The following SRCAP variants were observed in gnomAD, a reference collection of about 807,000 sequenced individuals.
SRCAP encodes Snf2 related CREBBP activator protein.
In SRCAP, 46 loss-of-function variants were observed where a neutral mutation model predicts 263.1. The observed-to-expected ratio is 0.17, with a 90% confidence interval of 0.14 to 0.22. The LOEUF (loss-of-function observed/expected upper bound fraction) is 0.22, where lower values mean the gene tolerates loss of function less well. Among genes scored for constraint, SRCAP ranks in the 10% least tolerant of loss-of-function variants. The pLI, the probability that SRCAP is intolerant of heterozygous loss-of-function variation, is 1.00. For synonymous variants in SRCAP, 1,813 were observed against 1,662.1 expected, an observed-to-expected ratio of 1.09 and a Z score of -2.21; for missense variants, 3,695 against 4,181.9, an observed-to-expected ratio of 0.88 and a Z score of 3.21.
At position 30,738,166 on chromosome 16, in the gene SRCAP, C is replaced by A. The variant is rs559812256; in HGVS notation, c.8126C>A (p.Ser2709Tyr). Residue 2709 changes from serine (S) to tyrosine (Y), a missense_variant, in exon 34 of 34, where the codon TCC becomes TAC. Physicochemically the swap from Ser to Tyr is moderately radical, Grantham distance 144. Transcript: ENST00000262518. The stretch of plus-strand genomic sequence containing the variant: ...CCATCCACCTCATCTTCAGCCACTT[C>A]CTCGCCTGAGGGTCCTTCACCTGCC... Reference protein sequence around the residue: ...AAPSTSSSATSSPEGPSPARP... With the variant: ...AAPSTSSSATYSPEGPSPARP... 6.2e-7 allele frequency: 1 copy of A among 1,614,222 alleles called. No homozygotes were observed.
intron 27 of SRCAP, among the ~76,000 whole-genome samples, chr16:30,731,899 C>CT (rs2053117643): frequency 6.6e-6 from 1 of 151,514 alleles, no homozygotes; most frequent in African/African-American, 2.4e-5. Context: ...AATCCCAGCA[C>CT]TTTGAGAGGC....
In SRCAP at chr16:30,712,782, T is replaced by C. The variant is rs761063976; in HGVS notation, c.2097T>C (p.Tyr699=). The C allele has an allele frequency of 1.2e-6, 2 of 1,614,210 alleles. No individual in the cohort carries two copies. The highest frequency in any genetic ancestry group is 2.2e-5 in the South Asian group (2 of 91,086). The stretch of plus-strand genomic sequence containing the variant: ...CCAGCTTTAAAATCCTCACTTACTA[T>C]GGAGCCCAGAAAGAGAGGAAGCTCA... ...WCPSFKILTY[Y]GAQKERKLKR... is the part of the protein sequence containing the mutation. Residue 699 remains tyrosine (Y), a synonymous_variant, in exon 14 of 34, where the codon TAT becomes TAC. Transcript: ENST00000262518.
At chr16:30,710,278 T>C (rs748152169) in intron 8 of SRCAP, 150 bp downstream of exon 8, 7 of 869,100 alleles carry the variant, frequency 8.1e-6, no homozygotes, top group Non-Finnish European at 1.2e-5. Flanking sequence ...TGGGGAAGAA[T>C]CTGTTTGGGG....
chr16:30,739,528 T>G lies in SRCAP; in HGVS notation c.9488T>G (p.Leu3163Arg). 1 of 1,611,850 alleles carries G rather than the reference T, an allele frequency of 6.2e-7. No homozygotes were observed. The highest frequency in any genetic ancestry group is 8.5e-7 in the Non-Finnish European group (1 of 1,179,092). The change falls in exon 34 of 34, where the codon CTG becomes CGG. Residue 3163 changes from leucine to arginine, a missense_variant. Physicochemically the swap from Leu to Arg is moderately radical, Grantham distance 102. This residue lies in a region of SRCAP where 1,207 missense variants were observed against 1,142.9 expected (regional missense o/e 1.06). Transcript: ENST00000262518. ...GGCCGCCTACAGCCCCCAAGTCCCC[T>G]GGGGCCTGAGGGTTCAGTAGAGGAG... ...KRGRLQPPSPLGPEGSVEESE... is the reference protein window; with the variant it reads ...KRGRLQPPSPRGPEGSVEESE...
chr16:30,730,150 T>C (rs1596661400), intron 27 of SRCAP, among the ~76,000 whole-genome samples: 1 of 152,206 alleles, frequency 6.6e-6, no homozygotes, highest in East Asian at 1.9e-4. Context: ...TACATTTTGC[T>C]AATCATTTGG....
At chr16:30,715,348 G>A (rs1009701726) in intron 16 of SRCAP, among the ~76,000 whole-genome samples, 1 of 151,232 alleles carries the variant, frequency 6.6e-6, no homozygotes, top group Non-Finnish European at 1.5e-5. Flanking sequence ...GGCGGATCAC[G>A]AGGTCAGGAC....
chr16:30,717,524 G>C (rs2052963279), intron 18 of SRCAP, among the ~76,000 whole-genome samples: 1 of 150,184 alleles, frequency 6.7e-6, no homozygotes, highest in Non-Finnish European at 1.5e-5. Flanking sequence ...ATAGCTTACT[G>C]CAGCCTTGAA....
rs541797069 is a variant in SRCAP at position 30,724,711 on chromosome 16, G to T, written c.5287G>T (p.Ala1763Ser). 2.7e-5 allele frequency: 44 copies of T among 1,614,086 alleles called. No individual in the cohort carries two copies. The South Asian group carries it at 4.1e-4, about 15-fold the overall frequency. ...GGCTCCAGCTTCTCCAGTGGGCCCAGCCCCAGCTCACACGCTGACTTTGGC... is the reference window on the plus strand; with the variant it reads ...GGCTCCAGCTTCTCCAGTGGGCCCATCCCCAGCTCACACGCTGACTTTGGC... ...PLAPASPVGPAPAHTLTLAPA... is the reference protein window; with the variant it reads ...PLAPASPVGPSPAHTLTLAPA... The change falls in exon 25 of 34, where the codon GCC (alanine) becomes TCC (serine). Residue 1763 changes from alanine to serine, a missense_variant. Physicochemically the swap from Ala to Ser is moderately conservative, Grantham distance 99. Coordinates refer to ENST00000262518, the MANE Select transcript of SRCAP (RefSeq NM_006662.3).
At chr16:30,711,530 C>T in intron 10 of SRCAP, 41 bp from the exon 11 acceptor site, 3 of 1,540,556 alleles carry the variant, frequency 1.9e-6, no homozygotes, top group Non-Finnish European at 2.6e-6. Flanking sequence ...CCCCTTCTCC[C>T]TCCCCTCAGA....
chr16:30,720,972 C>T lies in SRCAP; in HGVS notation c.3247C>T (p.Pro1083Ser), dbSNP rs776570251. Residue 1083 changes from proline (P) to serine (S), a missense_variant, in exon 20 of 34, where the codon CCC (proline) becomes TCC (serine). Physicochemically the swap from Pro to Ser is moderately conservative, Grantham distance 74. This residue lies in a region of SRCAP where 1,347 missense variants were observed against 1,304.4 expected (regional missense o/e 1.03). Coordinates refer to ENST00000262518, the MANE Select transcript of SRCAP (RefSeq NM_006662.3). The part of the protein sequence containing the change: ...PPLQPNSGSL[P>S]QVLPSPLGVL... The stretch of plus-strand genomic sequence containing the variant: ...ACTGCAGCCCAACAGTGGTTCTCTC[C>T]CCCAGGGTGAGTTGAAAGGGAGCCA... The T allele has an allele frequency of 2.7e-5, 43 of 1,600,638 alleles. 1 individual carries two copies. The South Asian group carries it at 4.6e-4, about 17-fold the overall frequency.
chr16:30,736,433 C>T (rs763433249), intron 32 of SRCAP, 39 bp downstream of exon 32: 16 of 1,604,666 alleles, frequency 1.0e-5, no homozygotes, highest in Non-Finnish European at 1.3e-5. Flanking sequence ...TTTACTGCTT[C>T]CCCTGGGCTT....
chr16:30,713,602 A>G lies in SRCAP; in HGVS notation c.2384A>G (p.His795Arg). The stretch of plus-strand genomic sequence containing the variant: ...TCCTTGATGCACTTTTTGATGCCCC[A>G]TGTCTTCCAGTCTCATCGCGAGTTC... ...LWSLMHFLMP[H>R]VFQSHREFKE... Residue 795 changes from histidine (H) to arginine (R), a missense_variant, in exon 16 of 34, where the codon CAT becomes CGT. By Grantham distance (29) the His-to-Arg change is conservative (BLOSUM62 0). Transcript: ENST00000262518. 1 of 1,614,080 alleles carries G rather than the reference A, an allele frequency of 6.2e-7. No individual in the cohort carries two copies. The highest frequency in any genetic ancestry group is 1.3e-5 in the African/African-American group (1 of 74,988).
intron 33 of SRCAP, 45 bp downstream of exon 33, chr16:30,736,669 T>C: frequency 5.6e-6 from 9 of 1,593,340 alleles, no homozygotes; most frequent in Non-Finnish European, 7.7e-6. Flanking sequence ...AGCTGCTAAT[T>C]TCTTTTTCTT....
rs1477305953 is a variant in SRCAP, at chr16:30,737,969, C to G, written c.7929C>G (p.Pro2643=). 1.2e-6 allele frequency: 2 copies of G among 1,614,104 alleles called. No individual in the cohort carries two copies. Among genetic ancestry groups the G allele is most frequent in the Non-Finnish European group, 1.7e-6 (2 of 1,180,034 alleles). ...TGCTGCCTGAAGGTGAGGAGTTGCC[C>G]CTGTGTGTGAGTGAGAGCAATGGCC... The part of the protein sequence containing the change: ...LTVLPEGEEL[P]LCVSESNGLE... The change falls in exon 34 of 34, where the codon CCC becomes CCG. Residue 2643 remains proline (P), a synonymous_variant. Coordinates refer to ENST00000262518, the MANE Select transcript of SRCAP (RefSeq NM_006662.3).
Position 30,739,427 on chromosome 16 carries a change from C to G in SRCAP, c.9387C>G (p.Pro3129=), listed in dbSNP as rs2053200279. The G allele has an allele frequency of 1.9e-6, 3 of 1,614,230 alleles. No individual in the cohort carries two copies. Among genetic ancestry groups the G allele is most frequent in the Non-Finnish European group, 1.7e-6 (2 of 1,180,036 alleles). ...GGCTGCGTCCAGGGTCTCTAGTCCC[C>G]CCACTAGAGACTGAGAAGTTGCCTC... ...STRLRPGSLV[P]PLETEKLPRK... Residue 3129 remains proline, a synonymous_variant, in exon 34 of 34, where the codon CCC becomes CCG. Transcript: ENST00000262518.
At position 30,737,279 on chromosome 16, in the gene SRCAP, T is replaced by C; in HGVS notation, c.7239T>C (p.Pro2413=). Residue 2413 remains proline, a synonymous_variant, in exon 34 of 34, where the codon CCT becomes CCC. Transcript: ENST00000262518. ...RAETQGANHT[P]VISAHQTRST... Reference sequence around the variant, plus strand: ...AGACTCAAGGGGCAAACCACACTCCTGTCATATCCGCCCATCAAACTCGCA... The same window carrying C: ...AGACTCAAGGGGCAAACCACACTCCCGTCATATCCGCCCATCAAACTCGCA... The C allele has an allele frequency of 6.2e-7, 1 of 1,613,976 alleles. No homozygotes were observed.
At chr16:30,726,594 C>T (rs192412100) in intron 25 of SRCAP, among the ~76,000 whole-genome samples, 3 of 151,856 alleles carry the variant, frequency 2.0e-5, no homozygotes, top group East Asian at 1.9e-4. Context: ...GGTCTTGGCT[C>T]ACTGCAACCT....
Position 30,724,009 on chromosome 16 carries a change from C to G in SRCAP, c.4585C>G (p.Pro1529Ala). 1 of 1,614,044 alleles carries G rather than the reference C, an allele frequency of 6.2e-7. No individual in the cohort carries two copies. The highest frequency in any genetic ancestry group is 1.1e-5 in the South Asian group (1 of 91,086). ...QTPGHPLLLAPTSSHVPGLNS... is the reference protein window; with the variant it reads ...QTPGHPLLLAATSSHVPGLNS... The stretch of plus-strand genomic sequence containing the variant: ...ACCTGGTCACCCTCTGTTGTTGGCT[C>G]CCACCTCTTCACATGTTCCAGGGTT... The change falls in exon 25 of 34, where the codon CCC (proline) becomes GCC (alanine). Residue 1529 changes from proline to alanine, a missense_variant. Pro to Ala is a conservative substitution (Grantham distance 27). Around this residue, in one of 12 missense-constraint regions of SRCAP, gnomAD observed 1,347 missense variants for 1,304.4 expected, o/e 1.03. Coordinates refer to ENST00000262518, the MANE Select transcript of SRCAP (RefSeq NM_006662.3).
At chr16:30,721,719 T>G (rs1038375351) in intron 21 of SRCAP, among the ~76,000 whole-genome samples, 8 of 152,214 alleles carry the variant, frequency 5.3e-5, no homozygotes, top group Non-Finnish European at 8.8e-5. Flanking sequence ...AGCTAACATA[T>G]GTTAGGCATT....
Sources: gnomAD v4.1 joint callset for allele counts (sites outside exome capture counted in the v4.1 genomes callset) on GRCh38, gnomAD v4.1.1 for gene constraint, gnomAD v4.1.1 regional missense constraint, MANE v1.5 for transcripts, NCBI Gene and HGNC (gene_info 2026-07-23, HGNC 2026-07-21) for gene names.